Variants in MINAR1 observed in about 807,000 individuals in gnomAD.
MINAR1 encodes the protein membrane integral NOTCH2 associated receptor 1.
In MINAR1, 40 loss-of-function variants were observed where a neutral mutation model predicts 65.1. That is an observed-to-expected ratio of 0.61 (90% CI 0.48 to 0.80). MINAR1 has a LOEUF of 0.80. MINAR1 is among the 30% of genes least tolerant of loss of function. The pLI is 0.00. For missense variants in MINAR1, 1,128 were observed against 1,148.0 expected (o/e 0.98, Z 0.25); for synonymous variants, 482 against 449.1 (o/e 1.07, Z -0.93).
rs1895409150 is a variant in MINAR1, at chr15:79,456,304, A to G, written c.157A>G (p.Thr53Ala). Residue 53 changes from threonine to alanine, a missense_variant, in exon 2 of 4, where the codon ACA becomes GCA. By Grantham distance (58) the Thr-to-Ala change is moderately conservative. Coordinates refer to ENST00000305428, the MANE Select transcript of MINAR1 (RefSeq NM_015206.3). ...LAKLRSVLFY[T>A]ACLDPNFPAT... ...CAAACTGAGAAGTGTGCTCTTCTAC[A>G]CAGCTTGTCTCGATCCCAATTTTCC... The G allele has an allele frequency of 1.2e-6, 2 of 1,614,220 alleles. No individual in the cohort carries two copies. The highest frequency in any genetic ancestry group is 1.7e-6 in the Non-Finnish European group (2 of 1,180,050).
chr15:79,459,206 T>C (rs562396034), intron 2 of MINAR1, among the ~76,000 whole-genome samples: 8 of 152,256 alleles, frequency 5.3e-5, no homozygotes, highest in African/African-American at 1.7e-4. Context: ...AAGTCATTCA[T>C]AGTTCCACCA....
chr15:79,459,022 T>TA (rs201452643), intron 2 of MINAR1, among the ~76,000 whole-genome samples: 5,614 of 151,888 alleles, frequency 0.037, 134 homozygotes, highest in Middle Eastern at 0.062. Flanking sequence ...ACTAAAAATG[T>TA]AAAAAAAATT....
At chr15:79,421,438 C>T in the MINAR1 span, 4 of 152,238 alleles carry the variant, frequency 2.6e-5, no homozygotes, top group Non-Finnish European at 4.4e-5. Flanking sequence ...TTTTGATCCT[C>T]CTGCATCTTT....
chr15:79,461,024 C>T (rs1247036396), intron 2 of MINAR1, among the ~76,000 whole-genome samples: 2 of 152,240 alleles, frequency 1.3e-5, no homozygotes, highest in Non-Finnish European at 2.9e-5. Context: ...GTCAAGGCCC[C>T]TTACTTCATA....
At position 79,463,315 on chromosome 15, in the gene MINAR1, C is replaced by A. The variant is rs749892694; in HGVS notation, c.2547C>A (p.Asp849Glu). The A allele has an allele frequency of 6.2e-6, 10 of 1,611,962 alleles. No individual in the cohort carries two copies. Among genetic ancestry groups the A allele is most frequent in the Non-Finnish European group, 7.6e-6 (9 of 1,178,474 alleles). ...ACAAGGGCAAGCTGACAGCCCTGGACCTGCAGGTGAGCCTCTCACTGTCCC... is the reference window on the plus strand; with the variant it reads ...ACAAGGGCAAGCTGACAGCCCTGGAACTGCAGGTGAGCCTCTCACTGTCCC... ...AGDKGKLTALDLQTQESLNPN... is the reference protein window; with the variant it reads ...AGDKGKLTALELQTQESLNPN... Residue 849 changes from aspartate to glutamate, a missense_variant, in exon 3 of 4, where the codon GAC (aspartate) becomes GAA (glutamate). Transcript: ENST00000305428.
chr15:79,452,372 ATGTC>A (rs1438821154), intron 1 of MINAR1, among the ~76,000 whole-genome samples: 1 of 150,140 alleles, frequency 6.7e-6, no homozygotes, highest in Non-Finnish European at 1.5e-5. Flanking sequence ...GGGTATATGT[ATGTC>A]CCTGAGTCTG....
intron 1 of MINAR1, among the ~76,000 whole-genome samples, chr15:79,440,465 C>A (rs1410895522): frequency 6.6e-6 from 1 of 152,184 alleles, no homozygotes; most frequent in African/African-American, 2.4e-5. Context: ...AGGATGAGGA[C>A]CAGTGGGTGC....
In MINAR1 at chr15:79,456,587, G is replaced by C. The variant is rs773831790; in HGVS notation, c.440G>C (p.Ser147Thr). The change falls in exon 2 of 4, where the codon AGC becomes ACC. Residue 147 changes from serine (S) to threonine (T), a missense_variant. Ser to Thr is a moderately conservative substitution (Grantham distance 58). Coordinates refer to ENST00000305428, the MANE Select transcript of MINAR1 (RefSeq NM_015206.3). ...LNCELSERSFSRGYPIRQSSK... is the reference protein window; with the variant it reads ...LNCELSERSFTRGYPIRQSSK... ...TGTGAGCTGAGTGAGAGGTCTTTCA[G>C]CCGGGGCTACCCCATCAGGCAGTCG... The C allele has an allele frequency of 3.1e-6, 5 of 1,614,180 alleles. No individual in the cohort carries two copies. In the South Asian group the frequency reaches 5.5e-5, roughly 18 times the overall value.
At chr15:79,435,877 TATTA>T (rs1298411803) in intron 1 of MINAR1, among the ~76,000 whole-genome samples, 1 of 152,252 alleles carries the variant, frequency 6.6e-6, no homozygotes, top group Admixed American at 6.5e-5. Flanking sequence ...ATATGGTGGC[TATTA>T]ATTTTGTTCT....
chr15:79,468,202 A>C lies in MINAR1; in HGVS notation c.2569A>C (p.Asn857His), dbSNP rs757312399. 2 of 1,613,746 alleles carry C rather than the reference A, an allele frequency of 1.2e-6. No homozygotes were observed. Among genetic ancestry groups the C allele is most frequent in the East Asian group, 2.2e-5 (1 of 44,882 alleles). ...TCGCTTTTAGACGCAAGAATCTTTA[A>C]ACCCAAATAATTTAGAGTACTGGAT... Reference protein sequence around the residue: ...ALDLQTQESLNPNNLEYWMED... With the variant: ...ALDLQTQESLHPNNLEYWMED... Residue 857 changes from asparagine to histidine, a missense_variant, in exon 4 of 4, where the codon AAC (asparagine) becomes CAC (histidine). By Grantham distance (68) the Asn-to-His change is moderately conservative (BLOSUM62 1). Coordinates refer to ENST00000305428, the MANE Select transcript of MINAR1 (RefSeq NM_015206.3).
At chr15:79,413,008 C>G in the MINAR1 span, 2 of 150,718 alleles carry the variant, frequency 1.3e-5, no homozygotes, top group African/African-American at 2.5e-5. Context: ...TTGAACTCAT[C>G]TTATAACACA....
intron 1 of MINAR1, among the ~76,000 whole-genome samples, chr15:79,442,095 G>C (rs1894886793): frequency 6.7e-6 from 1 of 148,862 alleles, no homozygotes; most frequent in Non-Finnish European, 1.5e-5. Flanking sequence ...GACATGGTAA[G>C]CAATTTTTAT....
chr15:79,429,486 A>G (rs1459670104), upstream of MINAR1, among the ~76,000 whole-genome samples: 1 of 152,208 alleles, frequency 6.6e-6, no homozygotes, highest in Admixed American at 6.5e-5. Flanking sequence ...TGATATTATG[A>G]AGTGAAATTT....
chr15:79,437,281 C>A (rs1229234479), intron 1 of MINAR1, among the ~76,000 whole-genome samples: 2 of 152,056 alleles, frequency 1.3e-5, no homozygotes, highest in Non-Finnish European at 2.9e-5. Context: ...TACGTGAGTG[C>A]AGAATGGGGA....
chr15:79,456,473 G>C lies in MINAR1; in HGVS notation c.326G>C (p.Arg109Pro). Residue 109 changes from arginine (R) to proline (P), a missense_variant, in exon 2 of 4, where the codon CGC (arginine) becomes CCC (proline). Physicochemically the swap from Arg to Pro is moderately radical, Grantham distance 103. Transcript: ENST00000305428. ...GAAKEKLPTGRQKVRKKEASF... is the reference protein window; with the variant it reads ...GAAKEKLPTGPQKVRKKEASF... ...GCCAAGGAGAAGCTGCCCACGGGCC[G>C]CCAGAAGGTACGCAAGAAGGAGGCA... The C allele has an allele frequency of 6.2e-7, 1 of 1,614,006 alleles. No homozygotes were observed. Among genetic ancestry groups the C allele is most frequent in the South Asian group, 1.1e-5 (1 of 91,084 alleles).
At chr15:79,429,402 TAAA>T (rs909327061), upstream of MINAR1, among the ~76,000 whole-genome samples, 4 of 152,252 alleles carry the variant, frequency 2.6e-5, no homozygotes, top group African/African-American at 9.6e-5. Flanking sequence ...ATCAAATGTC[TAAA>T]ACCATGTCTT....
At chr15:79,427,739 A>G (rs1002089140), upstream of MINAR1, among the ~76,000 whole-genome samples, 17 of 152,212 alleles carry the variant, frequency 1.1e-4, no homozygotes, top group Non-Finnish European at 1.0e-4. Flanking sequence ...TGCATGACAT[A>G]TATCCTTTTA....
rs1246024937 is a variant in MINAR1, at chr15:79,470,341, A to G, written c.*1957A>G. 1 of 152,358 alleles carries G rather than the reference A, an allele frequency of 6.6e-6. No homozygotes were observed. The highest frequency in any genetic ancestry group is 1.5e-5 in the Non-Finnish European group (1 of 68,038). 9.4% of individuals were successfully genotyped at this position (152,358 alleles called of 1,614,324 possible). ...CCCTCAACCAGTAAGACTCTACACC[A>G]TATTGTAGCCCCACTATTCTCCTCT... is the stretch of plus-strand genomic sequence containing the variant. On this transcript the variant is annotated 3_prime_UTR_variant, in exon 4 of 4. Coordinates refer to ENST00000305428, the MANE Select transcript of MINAR1 (RefSeq NM_015206.3).
chr15:79,463,358 G>A (rs369898082), intron 3 of MINAR1, 37 bp downstream of exon 3: 40 of 1,602,136 alleles, frequency 2.5e-5, no homozygotes, highest in Non-Finnish European at 3.2e-5. Context: ...GGGAAGCCCA[G>A]CTGTGCCCTG....
Sources: allele counts gnomAD v4.1 joint callset (sites outside exome capture counted in the v4.1 genomes callset), GRCh38; gene constraint gnomAD v4.1.1; transcripts MANE v1.5; gene names NCBI Gene and HGNC (gene_info 2026-07-23, HGNC 2026-07-21).